The following ANAPC7 variants were observed in gnomAD, a reference collection of about 807,000 sequenced individuals.
ANAPC7 encodes anaphase promoting complex subunit 7.
ANAPC7 carries 25 observed loss-of-function variants against 63.3 expected under a neutral mutation model. The ratio of observed to expected loss-of-function variants is 0.39; its 90% CI spans 0.29 to 0.55. The LOEUF (loss-of-function observed/expected upper bound fraction) is 0.55. ANAPC7 is among the 20% of genes least tolerant of loss of function. The pLI is 0.57. For missense variants in ANAPC7, 516 were observed against 691.7 expected, an observed-to-expected ratio of 0.75 and a Z score of 2.85; for synonymous variants, 241 against 251.7, an observed-to-expected ratio of 0.96 and a Z score of 0.40.
chr12:110,375,829 T>A (rs1458634540), intron 10 of ANAPC7: 3 of 1,202,122 alleles, frequency 2.5e-6, no homozygotes. Flanking sequence ...TGAACACAGA[T>A]GTTATAGTGG....
At chr12:110,378,818 C>T (rs1881544642) in intron 8 of ANAPC7, 1 of 152,096 alleles carries the variant, frequency 6.6e-6, no homozygotes, top group South Asian at 2.1e-4. Context: ...CACCCTTCCA[C>T]ACACTATGGT....
intron 2 of ANAPC7, 97 bp from the exon 3 acceptor site, chr12:110,395,317 T>TC: frequency 8.0e-7 from 1 of 1,243,624 alleles, no homozygotes; most frequent in Non-Finnish European, 1.1e-6. Flanking sequence ...ACCCAGCAAT[T>TC]CTTTTTTTTT....
In ANAPC7 at chr12:110,374,267, C is replaced by T. The variant is rs370096501; in HGVS notation, c.1575G>A (p.Thr525=). The change falls in exon 11 of 11, where the codon ACG becomes ACA. Residue 525 remains threonine, a synonymous_variant. Transcript: ENST00000455511. ...CCACATCCTCCTCCTGAGTGGCATC[C>T]GTGGGACTCTCCTCCTTCTCCATCT... The part of the protein sequence containing the change: ...MQKMEKEESP[T]DATQEEDVDD... 7 of 1,614,052 alleles carry T rather than the reference C, an allele frequency of 4.3e-6. No homozygotes were observed. The highest frequency in any genetic ancestry group is 1.7e-5 in the Admixed American group (1 of 60,002).
At chr12:110,400,841 G>A (rs1213041458) in intron 1 of ANAPC7, among the ~76,000 whole-genome samples, 1 of 151,134 alleles carries the variant, frequency 6.6e-6, no homozygotes, top group Non-Finnish European at 1.5e-5. Context: ...GAGGTCAGGA[G>A]TTCCAGACAA....
At chr12:110,376,317 C>A (rs1165681026) in intron 9 of ANAPC7, 101 bp from the exon 10 acceptor site, 2 of 1,365,552 alleles carry the variant, frequency 1.5e-6, no homozygotes, top group Non-Finnish European at 2.0e-6. Context: ...AACACTGGTG[C>A]AACACAAAGC....
Position 110,396,385 on chromosome 12 carries a change from T to C in ANAPC7, c.169A>G (p.Lys57Glu). 6.2e-7 allele frequency: 1 copy of C among 1,614,012 alleles called. No homozygotes were observed. Among genetic ancestry groups the C allele is most frequent in the Non-Finnish European group, 8.5e-7 (1 of 1,179,944 alleles). Reference sequence around the variant, plus strand: ...TTACTCACAGCATTCCGATATTCCTTATCATGAAAGAGAGAATCTGCATGA... The same window carrying C: ...TTACTCACAGCATTCCGATATTCCTCATCATGAAAGAGAGAATCTGCATGA... ...VYHADSLFHD[K>E]EYRNAVSKYT... The change falls in exon 2 of 11, where the codon AAG (lysine) becomes GAG (glutamate). Residue 57 changes from lysine to glutamate, a missense_variant. Physicochemically the swap from Lys to Glu is moderately conservative, Grantham distance 56. Around this residue, in one of 4 missense-constraint regions of ANAPC7, gnomAD observed 185 missense variants for 200.3 expected, o/e 0.92. Transcript: ENST00000455511.
chr12:110,376,578 A>AAAAAAAAAAG lies in ANAPC7; in HGVS notation c.1358-363_1358-362insCTTTTTTTTT, dbSNP rs1881299924. 2.0e-5 allele frequency among the ~76,000 whole-genome samples: 3 copies of AAAAAAAAAAG among 150,874 alleles called. 1 individual carries two copies. Among genetic ancestry groups the AAAAAAAAAAG allele is most frequent in the African/African-American group, 7.3e-5 (3 of 41,040 alleles). On this transcript the variant is annotated intron_variant, in intron 9 of 10. Transcript: ENST00000455511. ...AGCGAGACTCCATCTCAAAAAAAAA[A>AAAAAAAAAAG]AAAAAAAAGAAATTTGCAGTTTGAA...
intron 10 of ANAPC7, 74 bp from the exon 11 acceptor site, chr12:110,374,407 G>T: frequency 1.4e-6 from 2 of 1,461,198 alleles, no homozygotes; most frequent in Non-Finnish European, 1.9e-6. Flanking sequence ...CATCTCCCTG[G>T]CCCGGCAGTG....
At chr12:110,387,412 A>C in intron 5 of ANAPC7, 1 of 142,394 alleles carries the variant, frequency 7.0e-6, no homozygotes, top group African/African-American at 3.4e-5. Flanking sequence ...AGAGAGAGAG[A>C]GAGAGAGAGA....
chr12:110,386,429 G>C lies in ANAPC7; in HGVS notation c.715C>G (p.Leu239Val), dbSNP rs748792115. The C allele has an allele frequency of 1.2e-6, 2 of 1,613,612 alleles. No individual in the cohort carries two copies. The highest frequency in any genetic ancestry group is 4.5e-5 in the East Asian group (2 of 44,862). Residue 239 changes from leucine (L) to valine (V), a missense_variant, in exon 6 of 11, where the codon CTA (leucine) becomes GTA (valine). Physicochemically the swap from Leu to Val is conservative, Grantham distance 32. Around this residue, in one of 4 missense-constraint regions of ANAPC7, gnomAD observed 199 missense variants for 249.3 expected, o/e 0.80. Transcript: ENST00000455511. ...TACAGATCTGCCAAGCTTCCCAATA[G>C]GTCCACGTTATCTCGCAATAAGGAT... ...KKSLLRDNVD[L>V]LGSLADLYFR...
At chr12:110,401,130 G>A (rs999114148) in intron 1 of ANAPC7, among the ~76,000 whole-genome samples, 7 of 152,188 alleles carry the variant, frequency 4.6e-5, no homozygotes, top group African/African-American at 1.7e-4. Flanking sequence ...AGCACTTAAA[G>A]GACTTTTCCC....
intron 7 of ANAPC7, among the ~76,000 whole-genome samples, chr12:110,382,459 AAAATAT>A (rs1415785629): frequency 1.7e-4 from 9 of 51,966 alleles, no homozygotes; most frequent in African/African-American, 7.3e-4. Flanking sequence ...AAAAAAAAAA[AAAATAT>A]ATATATATAT....
chr12:110,396,371 A>G lies in ANAPC7; in HGVS notation c.183T>C (p.Asn61=). The change falls in exon 2 of 11, where the codon AAT becomes AAC. Residue 61 remains asparagine (N), a synonymous_variant. Transcript: ENST00000455511. ...DSLFHDKEYR[N]AVSKYTMALQ... is the part of the protein sequence containing the mutation. ...AAGCCATGGTATACTTACTCACAGCATTCCGATATTCCTTATCATGAAAGA... is the reference window on the plus strand; with the variant it reads ...AAGCCATGGTATACTTACTCACAGCGTTCCGATATTCCTTATCATGAAAGA... The G allele has an allele frequency of 1.2e-6, 2 of 1,614,066 alleles. No individual in the cohort carries two copies. Among genetic ancestry groups the G allele is most frequent in the Non-Finnish European group, 1.7e-6 (2 of 1,179,966 alleles).
chr12:110,403,508 G>T lies in ANAPC7; in HGVS notation c.101+19C>A. ...GCCGCTTTCTCCTCAGCCCCAGGCA[G>T]CTACCCGCCTCAACTCACGGGTTGT... On this transcript the variant is annotated intron_variant, in intron 1 of 10. Coordinates refer to ENST00000455511, the MANE Select transcript of ANAPC7 (RefSeq NM_016238.3). 6.4e-7 allele frequency: 1 copy of T among 1,571,782 alleles called. No individual in the cohort carries two copies. Among genetic ancestry groups the T allele is most frequent in the Non-Finnish European group, 8.6e-7 (1 of 1,158,842 alleles).
chr12:110,396,503 G>T, intron 1 of ANAPC7, 51 bp from the exon 2 acceptor site: 1 of 1,377,752 alleles, frequency 7.3e-7, no homozygotes, highest in Non-Finnish European at 9.8e-7. Flanking sequence ...TTCAATCCAA[G>T]CTCCCCCAGC....
At chr12:110,383,875 C>CAAAA (rs1159374781) in intron 6 of ANAPC7, among the ~76,000 whole-genome samples, 21 of 50,664 alleles carry the variant, frequency 4.1e-4, no homozygotes, top group South Asian at 8.6e-4. Flanking sequence ...GACTCCGTCT[C>CAAAA]AAAAAAAAAA....
In ANAPC7 at chr12:110,386,450, A is replaced by G. The variant is rs1882459065; in HGVS notation, c.694T>C (p.Leu232=). The G allele has an allele frequency of 6.2e-7, 1 of 1,612,662 alleles. No individual in the cohort carries two copies. The highest frequency in any genetic ancestry group is 2.2e-5 in the East Asian group (1 of 44,862). ...STICSLEKKS[L]LRDNVDLLGS... ...AATAGGTCCACGTTATCTCGCAATAAGGATTTTTTCTCTAGTGAACTTTAA... is the reference window on the plus strand; with the variant it reads ...AATAGGTCCACGTTATCTCGCAATAGGGATTTTTTCTCTAGTGAACTTTAA... The change falls in exon 6 of 11, where the codon TTA becomes CTA. Residue 232 remains leucine (L), a synonymous_variant. Transcript: ENST00000455511.
At chr12:110,387,406 AG>A (rs1882692963) in intron 5 of ANAPC7, 2 of 134,730 alleles carry the variant, frequency 1.5e-5, no homozygotes, top group Non-Finnish European at 3.0e-5. Flanking sequence ...AGAGAGAGAG[AG>A]AGAGAGAGAG....
At chr12:110,399,988 G>A (rs2062205594) in intron 1 of ANAPC7, among the ~76,000 whole-genome samples, 1 of 151,858 alleles carries the variant, frequency 6.6e-6, no homozygotes, top group Non-Finnish European at 1.5e-5. Flanking sequence ...CAGCTACTTG[G>A]AAGGCTGAGG....
Sources: gnomAD v4.1 joint callset for allele counts (sites outside exome capture counted in the v4.1 genomes callset) on GRCh38, gnomAD v4.1.1 for gene constraint, gnomAD v4.1.1 regional missense constraint, MANE v1.5 for transcripts, NCBI Gene and HGNC (gene_info 2026-07-23, HGNC 2026-07-21) for gene names.